Variants in TMEM132D observed in about 807,000 individuals in gnomAD.
The protein encoded by TMEM132D is mature OL transmembrane protein.
Under a neutral mutation model 62.3 loss-of-function variants are expected in TMEM132D, and 21 were observed. That is an observed-to-expected ratio of 0.34 (90% CI 0.24 to 0.49). The LOEUF is 0.49. Ranked by LOEUF, TMEM132D falls within the 20% of genes least tolerant of loss-of-function variation. The probability of loss-of-function intolerance (pLI) is 0.99; values close to 1 mark genes in which losing one functional copy is unlikely to be tolerated. For synonymous variants in TMEM132D, 621 were observed against 575.6 expected (o/e 1.08, Z -1.13); for missense variants, 1,346 against 1,402.8 (o/e 0.96, Z 0.65).
At position 129,626,103 on chromosome 12, in the gene TMEM132D, G is replaced by A. The variant is rs1412695827; in HGVS notation, c.968+73707C>T. ...GTGTTGAGCTGGGAAAAAAAAAAAA[G>A]CTCCACGGTCTATTAATTTTGAAAA... is the stretch of plus-strand genomic sequence containing the variant. On this transcript the variant is annotated intron_variant, in intron 2 of 8. Transcript: ENST00000422113. Among the ~76,000 whole-genome samples, 9 of 151,204 alleles carry A rather than the reference G, an allele frequency of 6.0e-5. No homozygotes were observed. The East Asian group carries it at 1.6e-3, about 26-fold the overall frequency.
rs554388406 is a variant in TMEM132D, at chr12:129,640,419, C to T, written c.968+59391G>A. Among the ~76,000 whole-genome samples the T allele has an allele frequency of 7.9e-5, 12 of 152,348 alleles. No individual in the cohort carries two copies. In the South Asian group the frequency reaches 2.5e-3, roughly 32 times the overall value. Reference sequence around the variant, plus strand: ...ATGCTTCTTCTACCCTCCATGTTCCCATGGGGGACCCCTTATCATCACCAG... The same window carrying T: ...ATGCTTCTTCTACCCTCCATGTTCCTATGGGGGACCCCTTATCATCACCAG... On this transcript the variant is annotated intron_variant, in intron 2 of 8. Transcript: ENST00000422113.
At chr12:129,475,432 A>T (rs1169966204) in intron 3 of TMEM132D, among the ~76,000 whole-genome samples, 1 of 152,220 alleles carries the variant, frequency 6.6e-6, no homozygotes, top group East Asian at 1.9e-4. Flanking sequence ...TGTTTCCTCA[A>T]TCTATAAAAG....
At chr12:129,595,330 T>G (rs1371420874) in intron 2 of TMEM132D, among the ~76,000 whole-genome samples, 1 of 152,172 alleles carries the variant, frequency 6.6e-6, no homozygotes, top group Non-Finnish European at 1.5e-5. Flanking sequence ...AATACAGTGA[T>G]GTGCAGAGAT....
chr12:129,656,528 G>A (rs1312802946), intron 2 of TMEM132D, among the ~76,000 whole-genome samples: 1 of 151,950 alleles, frequency 6.6e-6, no homozygotes, highest in Non-Finnish European at 1.5e-5. Context: ...TAGCCTCATA[G>A]TCTGTTTTTT....
At position 129,844,318 on chromosome 12, in the gene TMEM132D, A is replaced by C. The variant is rs145433922; in HGVS notation, c.79+58943T>G. 2.9e-3 allele frequency among the ~76,000 whole-genome samples: 444 copies of C among 152,324 alleles called. 7 individuals carry two copies. The highest frequency in any genetic ancestry group is 6.5e-4 in the Non-Finnish European group (44 of 68,034). On this transcript the variant is annotated intron_variant, in intron 1 of 8. Coordinates refer to ENST00000422113, the MANE Select transcript of TMEM132D (RefSeq NM_133448.3). ...AGGAGAGAGAGCTTGCATGAGAAGC[A>C]TATAATCTGAAGAAGAGGTGAGCCT...
At chr12:129,303,175 C>G (rs1025174359) in intron 4 of TMEM132D, among the ~76,000 whole-genome samples, 28 of 149,212 alleles carry the variant, frequency 1.9e-4, no homozygotes, top group Non-Finnish European at 2.8e-4. Flanking sequence ...TCTGCAGAGC[C>G]TCCACCATCA....
intron 4 of TMEM132D, among the ~76,000 whole-genome samples, chr12:129,271,879 A>C (rs1880861787): frequency 6.6e-6 from 1 of 151,896 alleles, no homozygotes; most frequent in Non-Finnish European, 1.5e-5. Flanking sequence ...ATACATGTGC[A>C]TGTGTCTTTC....
At chr12:129,711,668 A>T (rs1442996018) in intron 1 of TMEM132D, among the ~76,000 whole-genome samples, 4 of 145,874 alleles carry the variant, frequency 2.7e-5, no homozygotes, top group Non-Finnish European at 6.0e-5. Context: ...TGGAGGTTGG[A>T]GTGAGCCGAG....
chr12:129,168,848 A>T (rs2135545435), intron 5 of TMEM132D, among the ~76,000 whole-genome samples: 1 of 152,214 alleles, frequency 6.6e-6, no homozygotes, highest in Non-Finnish European at 1.5e-5. Context: ...CCGCTGACCT[A>T]ACTAACTCTC....
At chr12:129,593,296 G>A (rs1878245273) in intron 2 of TMEM132D, among the ~76,000 whole-genome samples, 1 of 152,112 alleles carries the variant, frequency 6.6e-6, no homozygotes, top group African/African-American at 2.4e-5. Flanking sequence ...TTCTTCAATG[G>A]CATCCTGGCA....
chr12:129,409,511 C>T (rs1017520262), intron 3 of TMEM132D, among the ~76,000 whole-genome samples: 3 of 152,124 alleles, frequency 2.0e-5, no homozygotes, highest in African/African-American at 4.8e-5. Flanking sequence ...CTAAACACAC[C>T]ATGTGAGAGA....
At chr12:129,112,355 A>G (rs1356597684) in intron 5 of TMEM132D, among the ~76,000 whole-genome samples, 1 of 152,172 alleles carries the variant, frequency 6.6e-6, no homozygotes, top group Non-Finnish European at 1.5e-5. Context: ...GTGGCTCTAT[A>G]ATTTCAAATT....
rs1486254944 is a variant in TMEM132D at position 129,130,019 on chromosome 12, G to GTGTGTGTC, written c.1444-45318_1444-45317insGACACACA. ...CTCAAAAATCAAAGCTCTGCTCTGT[G>GTGTGTGTC]TGTGTGTGTGTGTGTGTGTGTGTGT... is the stretch of plus-strand genomic sequence containing the variant. On this transcript the variant is annotated intron_variant, in intron 5 of 8. Transcript: ENST00000422113. Among the ~76,000 whole-genome samples the GTGTGTGTC allele has an allele frequency of 5.7e-4, 82 of 143,260 alleles. 1 individual carries two copies. The South Asian group carries it at 0.012, about 21-fold the overall frequency. The allele number at this position is 143,260 out of a possible 152,430, so 94.0% of individuals were successfully genotyped here.
At chr12:129,689,792 T>A (rs1881020698) in intron 2 of TMEM132D, among the ~76,000 whole-genome samples, 1 of 152,158 alleles carries the variant, frequency 6.6e-6, no homozygotes, top group African/African-American at 2.4e-5. Context: ...AGAAACACAG[T>A]CCTGGGAACT....
intron 3 of TMEM132D, among the ~76,000 whole-genome samples, chr12:129,517,706 AT>A (rs1875723686): frequency 6.6e-6 from 1 of 152,202 alleles, no homozygotes; most frequent in Admixed American, 6.5e-5. Flanking sequence ...CTTCTCGTAA[AT>A]CCTGCCTGAG....
intron 5 of TMEM132D, among the ~76,000 whole-genome samples, chr12:129,125,112 C>T (rs548165402): frequency 1.7e-3 from 253 of 152,238 alleles, no homozygotes; most frequent in Non-Finnish European, 2.7e-3. Flanking sequence ...TGCAAGTCTG[C>T]GGAGGTGATG....
chr12:129,582,916 C>G (rs762823344), intron 2 of TMEM132D, among the ~76,000 whole-genome samples: 1 of 151,184 alleles, frequency 6.6e-6, no homozygotes, highest in East Asian at 1.9e-4. Flanking sequence ...TTAGCCACCA[C>G]GTCCAGCCGA....
intron 4 of TMEM132D, among the ~76,000 whole-genome samples, chr12:129,216,742 C>T (rs774177811): frequency 1.1e-4 from 17 of 152,214 alleles, no homozygotes; most frequent in East Asian, 7.7e-4. Context: ...AAAAAGGAAG[C>T]GCCTGGATGC....
intron 5 of TMEM132D, among the ~76,000 whole-genome samples, chr12:129,185,348 C>CAA (rs1878190936): frequency 6.6e-6 from 1 of 151,966 alleles, no homozygotes; most frequent in African/African-American, 2.4e-5. Context: ...ATTTTCAATT[C>CAA]AAAAGAACTT....
Sources: gnomAD v4.1 joint callset for allele counts (sites outside exome capture counted in the v4.1 genomes callset) on GRCh38, gnomAD v4.1.1 for gene constraint, MANE v1.5 for transcripts, NCBI Gene and HGNC (gene_info 2026-07-23, HGNC 2026-07-21) for gene names.